Variants in MYO16 observed in about 807,000 individuals in gnomAD.
MYO16 encodes the protein unconventional myosin-XVI.
MYO16 carries 94 observed loss-of-function variants against 205.3 expected under a neutral mutation model. That is an observed-to-expected ratio of 0.46 (90% CI 0.39 to 0.54). The LOEUF (loss-of-function observed/expected upper bound fraction) is 0.54. Among genes scored for constraint, MYO16 ranks in the 20% least tolerant of loss-of-function variants. MYO16 has a pLI of 0.00. For missense variants in MYO16, 2,315 were observed against 2,387.5 expected, an observed-to-expected ratio of 0.97 and a Z score of 0.63; for synonymous variants, 988 against 954.0, an observed-to-expected ratio of 1.04 and a Z score of -0.66.
At chr13:108,519,410 C>T in the MYO16 span, among the ~76,000 whole-genome samples, 1 of 151,956 alleles carries the variant, frequency 6.6e-6, no homozygotes, top group African/African-American at 2.4e-5. Context: ...TCTGTTTTTT[C>T]TATTTCTTTC....
At chr13:108,735,469 C>CCATGGTATATACCATGTGTATTT (rs1421499389) in intron 4 of MYO16, among the ~76,000 whole-genome samples, 2 of 151,272 alleles carry the variant, frequency 1.3e-5, no homozygotes, top group East Asian at 1.9e-4. Context: ...GCATAGTATT[C>CCATGGTATATACCATGTGTATTT]CATGGTATAT....
At chr13:108,791,572 G>A (rs980373916) in intron 5 of MYO16, among the ~76,000 whole-genome samples, 1 of 152,066 alleles carries the variant, frequency 6.6e-6, no homozygotes, top group African/African-American at 2.4e-5. Flanking sequence ...GCCCACATTG[G>A]CACAAGTAGT....
chr13:108,884,102 T>C (rs946045323), intron 13 of MYO16, among the ~76,000 whole-genome samples: 4 of 152,230 alleles, frequency 2.6e-5, no homozygotes, highest in Non-Finnish European at 5.9e-5. Flanking sequence ...CCTTAGTTGT[T>C]GTCAGTAGTG....
chr13:108,755,749 C>T (rs1885403308), intron 4 of MYO16, among the ~76,000 whole-genome samples: 1 of 152,118 alleles, frequency 6.6e-6, no homozygotes, highest in Non-Finnish European at 1.5e-5. Context: ...CATATTTTTA[C>T]TTAAGTTACT....
intron 24 of MYO16, among the ~76,000 whole-genome samples, chr13:109,048,153 A>ATG (rs34750704): frequency 9.9e-4 from 140 of 141,176 alleles, no homozygotes; most frequent in East Asian, 3.0e-3. Flanking sequence ...TTAATAGGAT[A>ATG]TGTGTGTGTG....
In MYO16 at chr13:109,055,630, C is replaced by G. The variant is rs751149567; in HGVS notation, c.3335+35C>G. The G allele has an allele frequency of 7.7e-6, 12 of 1,565,932 alleles. No individual in the cohort carries two copies. The Middle Eastern group carries it at 1.2e-3, about 153-fold the overall frequency. On this transcript the variant is annotated intron_variant, in intron 27 of 34. Coordinates refer to ENST00000457511, the MANE Select transcript of MYO16 (RefSeq NM_001198950.3). The surrounding 1 kb of genome is among the most constrained non-coding windows in gnomAD (Gnocchi z 5.0). Reference sequence around the variant, plus strand: ...TCTGCTCTTAAAATCGTCGTTCTCGCTGCTGTTCAGTGCAGTGTACTGACA... The same window carrying G: ...TCTGCTCTTAAAATCGTCGTTCTCGGTGCTGTTCAGTGCAGTGTACTGACA...
the MYO16 span, among the ~76,000 whole-genome samples, chr13:108,544,617 T>A: frequency 6.6e-6 from 1 of 152,206 alleles, no homozygotes; most frequent in African/African-American, 2.4e-5. Context: ...TATACCTATA[T>A]AAAGAGCTTA....
At chr13:108,975,096 AC>A (rs1884203086) in intron 20 of MYO16, among the ~76,000 whole-genome samples, 1 of 152,136 alleles carries the variant, frequency 6.6e-6, no homozygotes, top group Admixed American at 6.5e-5. Flanking sequence ...CAGAAAAATT[AC>A]CCATCTTTAC....
intron 34 of MYO16, among the ~76,000 whole-genome samples, chr13:109,182,534 A>G (rs1879499798): frequency 6.6e-6 from 1 of 152,202 alleles, no homozygotes; most frequent in Non-Finnish European, 1.5e-5. Context: ...GTCCTTCCTT[A>G]GCCTTCCAAT....
chr13:108,663,115 T>A (rs1174072916), intron 1 of MYO16, among the ~76,000 whole-genome samples: 1 of 152,188 alleles, frequency 6.6e-6, no homozygotes, highest in African/African-American at 2.4e-5. Flanking sequence ...TTCTCCCAGG[T>A]CCTGCAGGAG....
chr13:108,709,240 T>C (rs1291682704), intron 2 of MYO16, among the ~76,000 whole-genome samples: 1 of 152,226 alleles, frequency 6.6e-6, no homozygotes, highest in African/African-American at 2.4e-5. Flanking sequence ...ATCATGTTAT[T>C]ACAAAGTTGC....
chr13:108,584,846 T>G, the MYO16 span, among the ~76,000 whole-genome samples: 1 of 152,222 alleles, frequency 6.6e-6, no homozygotes, highest in Admixed American at 6.5e-5. Context: ...CTTTTAAAAT[T>G]GTATTTTTAC....
intron 28 of MYO16, among the ~76,000 whole-genome samples, chr13:109,110,276 T>C (rs562282455): frequency 6.6e-6 from 1 of 152,368 alleles, no homozygotes; most frequent in Non-Finnish European, 1.5e-5. Flanking sequence ...TGTGTCTCTT[T>C]GGGAGAAGTG....
intron 1 of MYO16, among the ~76,000 whole-genome samples, chr13:108,654,330 T>C (rs1340382369): frequency 6.6e-6 from 1 of 152,188 alleles, no homozygotes. Context: ...GTTCTCGTGC[T>C]AGGAAGTCTC....
At chr13:109,194,217 C>A (rs966732751) in intron 34 of MYO16, among the ~76,000 whole-genome samples, 11 of 152,150 alleles carry the variant, frequency 7.2e-5, no homozygotes, top group African/African-American at 2.7e-4. Context: ...TCCTATAGAA[C>A]CCACCACAGT....
At chr13:108,773,697 G>A (rs1014808969) in intron 4 of MYO16, among the ~76,000 whole-genome samples, 1 of 152,130 alleles carries the variant, frequency 6.6e-6, no homozygotes, top group African/African-American at 2.4e-5. Context: ...GTACTTGGGG[G>A]TAAGGCTTAA....
At chr13:108,976,445 T>A (rs1884260532) in intron 20 of MYO16, among the ~76,000 whole-genome samples, 1 of 152,188 alleles carries the variant, frequency 6.6e-6, no homozygotes, top group Non-Finnish European at 1.5e-5. Flanking sequence ...AAACGTTTTT[T>A]ATGTATGTTT....
intron 1 of MYO16, among the ~76,000 whole-genome samples, chr13:108,655,116 C>T (rs553149885): frequency 6.6e-6 from 1 of 152,294 alleles, no homozygotes; most frequent in South Asian, 2.1e-4. Flanking sequence ...ATCCCCAAGA[C>T]AATGGAGAAA....
intron 5 of MYO16, among the ~76,000 whole-genome samples, chr13:108,787,049 T>TG (rs1199473570): frequency 9.2e-5 from 14 of 152,254 alleles, no homozygotes; most frequent in Non-Finnish European, 1.3e-4. Context: ...TGAATTGACA[T>TG]GAAAAACTTG....
Sources: gnomAD v4.1 joint callset for allele counts (sites outside exome capture counted in the v4.1 genomes callset) on GRCh38, gnomAD v4.1.1 for gene constraint, Gnocchi (gnomAD v3.1) non-coding constraint, MANE v1.5 for transcripts, NCBI Gene and HGNC (gene_info 2026-07-23, HGNC 2026-07-21) for gene names.